CHD5: variants seen among roughly 807,000 people sequenced by gnomAD.
CHD5 encodes ATP-dependent chromatin remodeler CHD5.
In CHD5, 69 loss-of-function variants were observed where a neutral mutation model predicts 230.3. The ratio of observed to expected loss-of-function variants is 0.30; its 90% confidence interval spans 0.25 to 0.37. The LOEUF is 0.37. CHD5 is among the 10% of genes least tolerant of loss of function. CHD5 has a pLI of 1.00. For synonymous variants in CHD5, 1,064 were observed against 1,065.9 expected (o/e 1.00, Z 0.03); for missense variants, 1,827 against 2,622.8 (o/e 0.70, Z 6.63).
intron 8 of CHD5, 30 bp from the exon 9 acceptor site, chr1:6,149,105 T>G: frequency 6.8e-7 from 1 of 1,477,368 alleles, no homozygotes; most frequent in Non-Finnish European, 9.0e-7. Flanking sequence ...GGAGGCACCC[T>G]GGGCGGGGTC....
At position 6,129,447 on chromosome 1, in the gene CHD5, G is replaced by T. The variant is rs957715769; in HGVS notation, c.3388-378C>A. ...ATTTCCCTGTGAGCGAACCACTAAT[G>T]GGACCACAAGACCATGTGCTGGAGA... is the stretch of plus-strand genomic sequence containing the variant. On this transcript the variant is annotated intron_variant, in intron 22 of 41. Transcript: ENST00000262450. This position sits in a 1 kb window ranked among gnomAD's most constrained non-coding sequence, Gnocchi z 6.8. Among the ~76,000 whole-genome samples, 2 of 152,158 alleles carry T rather than the reference G, an allele frequency of 1.3e-5. No individual in the cohort carries two copies. The highest frequency in any genetic ancestry group is 2.9e-5 in the Non-Finnish European group (2 of 68,022).
intron 15 of CHD5, among the ~76,000 whole-genome samples, chr1:6,139,228 T>TTTG (rs539641102): frequency 0.021 from 3,083 of 146,302 alleles, 107 homozygotes; most frequent in African/African-American, 0.072. Flanking sequence ...CTGTTGTTGT[T>TTTG]TTGTTGTTGT....
chr1:6,179,332 C>T (rs1667475249), intron 1 of CHD5, among the ~76,000 whole-genome samples: 1 of 152,132 alleles, frequency 6.6e-6, no homozygotes. Context: ...GCGGCGGTCA[C>T]AGCGCACAGA....
At chr1:6,112,716 A>G (rs1307816109) in intron 34 of CHD5, among the ~76,000 whole-genome samples, 193 bp downstream of exon 34, 3 of 152,136 alleles carry the variant, frequency 2.0e-5, no homozygotes, top group Admixed American at 2.0e-4. Flanking sequence ...AGGGCTCAGG[A>G]GAGAGTAGGG....
At position 6,125,330 on chromosome 1, in the gene CHD5, G is replaced by T; in HGVS notation, c.4261-97C>A. The stretch of plus-strand genomic sequence containing the variant: ...GAAGAAAAGCATGGGAGGAGGAGAA[G>T]GTAGGAAGGGGGCACAGAGAAGGCA... On this transcript the variant is annotated intron_variant, in intron 28 of 41. Coordinates refer to ENST00000262450, the MANE Select transcript of CHD5 (RefSeq NM_015557.3). This position sits in a 1 kb window ranked among gnomAD's most constrained non-coding sequence, Gnocchi z 6.7. 1 of 1,317,808 alleles carries T rather than the reference G, an allele frequency of 7.6e-7. No individual in the cohort carries two copies. Among genetic ancestry groups the T allele is most frequent in the Non-Finnish European group, 1.0e-6 (1 of 966,590 alleles). 81.6% of individuals were successfully genotyped at this position (1,317,808 alleles called of 1,614,324 possible). A position where few individuals can be genotyped will look rare whatever the true frequency, so the allele number is the denominator to read the frequency against.
intron 15 of CHD5, among the ~76,000 whole-genome samples, chr1:6,141,137 C>T (rs561851142): frequency 8.0e-5 from 12 of 150,110 alleles, no homozygotes; most frequent in South Asian, 4.2e-4. Flanking sequence ...ACAAAAAATT[C>T]GCTGGGCATT....
At chr1:6,117,262 A>G (rs923004543) in intron 33 of CHD5, among the ~76,000 whole-genome samples, 2 of 152,244 alleles carry the variant, frequency 1.3e-5, no homozygotes, top group Non-Finnish European at 2.9e-5. Flanking sequence ...TTGCCAGCTA[A>G]AAGATAGGGA....
chr1:6,138,773 G>A (rs1292189179), intron 15 of CHD5, among the ~76,000 whole-genome samples: 1 of 152,220 alleles, frequency 6.6e-6, no homozygotes, highest in Non-Finnish European at 1.5e-5. Flanking sequence ...ATACCCAAAA[G>A]ACAGGAAAGC....
Position 6,121,123 on chromosome 1 carries a change from G to A in CHD5, c.4894C>T (p.Pro1632Ser), listed in dbSNP as rs1259030492. 2 of 1,606,918 alleles carry A rather than the reference G, an allele frequency of 1.2e-6. No homozygotes were observed. Among genetic ancestry groups the A allele is most frequent in the Non-Finnish European group, 1.7e-6 (2 of 1,177,370 alleles). ...PEETEKAPPS[P>S]EQLPREEVLP... ...CCCCAACCTCTCGGCAGCTGCTCCG[G>A]GGAGGGCGGGGCCTTCTCCGTCTCC... Residue 1632 changes from proline to serine, a missense_variant, in exon 33 of 42, where the codon CCG (proline) becomes TCG (serine). By Grantham distance (74) the Pro-to-Ser change is moderately conservative. Transcript: ENST00000262450. This position sits in a 1 kb window ranked among gnomAD's most constrained non-coding sequence, Gnocchi z 4.5.
intron 2 of CHD5, 83 bp downstream of exon 2, chr1:6,168,067 A>ACCC: frequency 6.8e-7 from 1 of 1,479,664 alleles, no homozygotes; most frequent in South Asian, 1.4e-5. Context: ...AGGTCCAGGG[A>ACCC]CCCCAGCCCT....
chr1:6,169,754 G>A (rs544429269), intron 1 of CHD5, among the ~76,000 whole-genome samples: 46 of 152,276 alleles, frequency 3.0e-4, no homozygotes, highest in Non-Finnish European at 6.8e-4. Context: ...GAGAGAGCCG[G>A]CCCTTCATGC....
chr1:6,130,030 A>C lies in CHD5; in HGVS notation c.3387+174T>G, dbSNP rs748990422. 4.1e-5 allele frequency: 29 copies of C among 713,542 alleles called. No homozygotes were observed. Among genetic ancestry groups the C allele is most frequent in the Non-Finnish European group, 5.4e-5 (23 of 422,950 alleles). 44.2% of individuals were successfully genotyped at this position (713,542 alleles called of 1,614,324 possible). A position where few individuals can be genotyped will look rare whatever the true frequency, so the allele number is the denominator to read the frequency against. On this transcript the variant is annotated intron_variant, in intron 22 of 41. Coordinates refer to ENST00000262450, the MANE Select transcript of CHD5 (RefSeq NM_015557.3). This position sits in a 1 kb window ranked among gnomAD's most constrained non-coding sequence, Gnocchi z 4.9. ...GACAGAGCTGGAGGGATGGGGGCCA[A>C]GCTTCCACTCACTCCCAGAGCCCCT...
intron 7 of CHD5, among the ~76,000 whole-genome samples, chr1:6,149,739 A>T (rs1666971249): frequency 6.8e-6 from 1 of 147,508 alleles, no homozygotes; most frequent in South Asian, 2.2e-4. Context: ...ATGAATGGAC[A>T]AATGGATGGA....
intron 2 of CHD5, among the ~76,000 whole-genome samples, chr1:6,165,020 G>A (rs919378341): frequency 1.3e-5 from 2 of 152,198 alleles, no homozygotes; most frequent in African/African-American, 4.8e-5. Flanking sequence ...GAGACAGACA[G>A]ACAAGAGCCA....
chr1:6,141,494 A>T (rs1666827196), intron 15 of CHD5, among the ~76,000 whole-genome samples: 1 of 151,318 alleles, frequency 6.6e-6, no homozygotes, highest in Non-Finnish European at 1.5e-5. Context: ...GCACTCCTGG[A>T]GTCCCAGCTA....
rs1297253608 is a variant in CHD5 at position 6,146,342 on chromosome 1, A to G, written c.1672T>C (p.Ser558Pro). ...TCGCTCTTGCCGTCTTCATCCCCAG[A>G]GCCGTAGTCAAAGGGGGGCGGCTCA... Reference protein sequence around the residue: ...MDEPPPFDYGSGDEDGKSEKR... With the variant: ...MDEPPPFDYGPGDEDGKSEKR... The change falls in exon 11 of 42, where the codon TCT (serine) becomes CCT (proline). Residue 558 changes from serine (S) to proline (P), a missense_variant. This residue lies in a region of CHD5 where 657 missense variants were observed against 816.4 expected (regional missense o/e 0.80). Coordinates refer to ENST00000262450, the MANE Select transcript of CHD5 (RefSeq NM_015557.3). This position sits in a 1 kb window ranked among gnomAD's most constrained non-coding sequence, Gnocchi z 5.1. The G allele has an allele frequency of 6.2e-7, 1 of 1,613,922 alleles. No individual in the cohort carries two copies. The highest frequency in any genetic ancestry group is 1.7e-5 in the Admixed American group (1 of 59,984).
intron 33 of CHD5, among the ~76,000 whole-genome samples, chr1:6,119,326 C>T (rs569824644): frequency 1.3e-5 from 2 of 152,140 alleles, no homozygotes; most frequent in Non-Finnish European, 2.9e-5. Flanking sequence ...TCTTGAACTC[C>T]TGACCTTGTG....
intron 15 of CHD5, among the ~76,000 whole-genome samples, chr1:6,138,045 G>A (rs536357805): frequency 5.9e-5 from 9 of 152,268 alleles, no homozygotes; most frequent in East Asian, 1.9e-4. Context: ...GCACTCTCCC[G>A]GTGAGGATCC....
Position 6,124,616 on chromosome 1 carries a change from C to T in CHD5, c.4440G>A (p.Ala1480=), listed in dbSNP as rs765484235. ...CGTCTGCGAAGGTCTCTGCACCATCCGCCCCCGGCTCACACAGGTGCCGCA... is the reference window on the plus strand; with the variant it reads ...CGTCTGCGAAGGTCTCTGCACCATCTGCCCCCGGCTCACACAGGTGCCGCA... The part of the protein sequence containing the change: ...LFMRHLCEPG[A]DGAETFADGV... Residue 1480 remains alanine (A), a synonymous_variant, in exon 30 of 42, where the codon GCG becomes GCA. Coordinates refer to ENST00000262450, the MANE Select transcript of CHD5 (RefSeq NM_015557.3). 9.4e-6 allele frequency: 15 copies of T among 1,603,260 alleles called. No individual in the cohort carries two copies. The highest frequency in any genetic ancestry group is 1.2e-5 in the Non-Finnish European group (14 of 1,175,062).
Sources: allele counts gnomAD v4.1 joint callset (sites outside exome capture counted in the v4.1 genomes callset), GRCh38; gene constraint gnomAD v4.1.1; regional missense constraint gnomAD v4.1.1; non-coding constraint Gnocchi (gnomAD v3.1); transcripts MANE v1.5; gene names NCBI Gene and HGNC (gene_info 2026-07-23, HGNC 2026-07-21).